ARF3: variants seen among roughly 807,000 people sequenced by gnomAD.
ARF3 encodes the protein ADP-ribosylation factor 3.
A neutral mutation model predicts 19.3 loss-of-function variants in ARF3; 5 were observed. That is an observed-to-expected ratio of 0.26 (90% confidence interval 0.14 to 0.54). The LOEUF (loss-of-function observed/expected upper bound fraction) is 0.54, where lower values mean the gene tolerates loss of function less well. Ranked by LOEUF, ARF3 falls within the 20% of genes least tolerant of loss-of-function variation. ARF3 has a pLI of 0.95. For missense variants in ARF3, 77 were observed against 234.2 expected (o/e 0.33, Z 4.38); for synonymous variants, 71 against 89.2 (o/e 0.80, Z 1.15).
At chr12:48,946,576 C>T (rs1430293903) in intron 1 of ARF3, among the ~76,000 whole-genome samples, 1 of 152,192 alleles carries the variant, frequency 6.6e-6, no homozygotes, top group Non-Finnish European at 1.5e-5. Context: ...ACTTTATTAT[C>T]ACAGGTAAAA....
chr12:48,948,463 C>A (rs1940400421), intron 1 of ARF3, among the ~76,000 whole-genome samples: 1 of 151,946 alleles, frequency 6.6e-6, no homozygotes, highest in Non-Finnish European at 1.5e-5. Flanking sequence ...ACTTTGTTGA[C>A]CAGGTTGGTC....
intron 1 of ARF3, among the ~76,000 whole-genome samples, chr12:48,954,626 T>C (rs921702693): frequency 3.9e-5 from 6 of 152,222 alleles, no homozygotes; most frequent in African/African-American, 9.7e-5. Context: ...AACATGCAAC[T>C]GGTAATTAGC....
intron 1 of ARF3, among the ~76,000 whole-genome samples, chr12:48,951,351 AG>A (rs1426880198): frequency 7.0e-6 from 1 of 143,366 alleles, no homozygotes; most frequent in East Asian, 2.2e-4. Context: ...ACCTGAGGTC[AG>A]GGGTTTGAGA....
Position 48,946,894 on chromosome 12 carries a change from T to C in ARF3, c.-93-5706A>G, listed in dbSNP as rs188846626. On this transcript the variant is annotated intron_variant, in intron 1 of 4. Coordinates refer to ENST00000256682, the MANE Select transcript of ARF3 (RefSeq NM_001659.3). ...TCCAGTGAATGATCCAAGAATGTGC[T>C]ATGAGACACCTCTGAGGGGACTCCT... is the stretch of plus-strand genomic sequence containing the variant. Among the ~76,000 whole-genome samples the C allele has an allele frequency of 2.7e-3, 417 of 152,312 alleles. 5 individuals carry two copies. Among genetic ancestry groups the C allele is most frequent in the African/African-American group, 8.6e-3 (358 of 41,572 alleles).
chr12:48,941,102 A>C lies in ARF3; in HGVS notation c.-7T>G. 3 of 1,608,880 alleles carry C rather than the reference A, an allele frequency of 1.9e-6. No individual in the cohort carries two copies. Among genetic ancestry groups the C allele is most frequent in the Non-Finnish European group, 2.5e-6 (3 of 1,177,264 alleles). ...TTCCAAAGATATTGCCCATGATCACAGCAGCTGCTTTCTGGGGACAGTGGG... is the reference window on the plus strand; with the variant it reads ...TTCCAAAGATATTGCCCATGATCACCGCAGCTGCTTTCTGGGGACAGTGGG... On this transcript the variant is annotated 5_prime_UTR_variant, in exon 2 of 5. Coordinates refer to ENST00000256682, the MANE Select transcript of ARF3 (RefSeq NM_001659.3).
rs1335084430 is a variant in ARF3 at position 48,939,897 on chromosome 12, C to T, written c.259+100G>A. 1.6e-5 allele frequency: 25 copies of T among 1,586,610 alleles called. No homozygotes were observed. The highest frequency in any genetic ancestry group is 2.2e-5 in the Non-Finnish European group (25 of 1,156,638). On this transcript the variant is annotated intron_variant, in intron 3 of 4. Transcript: ENST00000256682. The surrounding 1 kb of genome is among the most constrained non-coding windows in gnomAD (Gnocchi z 4.8). The stretch of plus-strand genomic sequence containing the variant: ...TGCTCCCTTTCCTCCCTTTCTTCTG[C>T]CCCCAGGAGCTGCAGCAGGGTAACA...
intron 1 of ARF3, among the ~76,000 whole-genome samples, chr12:48,943,042 G>T: frequency 6.6e-6 from 1 of 152,214 alleles, no homozygotes; most frequent in African/African-American, 2.4e-5. Context: ...GGAAGGTGGA[G>T]GTTGCAGTGA....
chr12:48,953,408 T>A (rs1940501977), intron 1 of ARF3: 1 of 152,150 alleles, frequency 6.6e-6, no homozygotes, highest in Admixed American at 6.5e-5. Context: ...ATTTAAGGTT[T>A]GACTATTTTT....
rs996918885 is a variant in ARF3, at chr12:48,951,879, C to CA, written c.-94+5430dup. 2.9e-3 allele frequency among the ~76,000 whole-genome samples: 401 copies of CA among 136,624 alleles called. 4 individuals carry two copies. Among genetic ancestry groups the CA allele is most frequent in the Admixed American group, 3.9e-3 (53 of 13,528 alleles). 89.6% of individuals were successfully genotyped at this position (136,624 alleles called of 152,430 possible). A position where few individuals can be genotyped will look rare whatever the true frequency, so the allele number is the denominator to read the frequency against. The stretch of plus-strand genomic sequence containing the variant: ...GGGCAACAAGAGCGAAACTCCGTCT[C>CA]AAAAAAAAAAACTAATTAAAATAAA... On this transcript the variant is annotated intron_variant, in intron 1 of 4. Transcript: ENST00000256682.
rs201946318 is a variant in ARF3 at position 48,947,305 on chromosome 12, C to CT, written c.-93-6118dup. On this transcript the variant is annotated intron_variant, in intron 1 of 4. Transcript: ENST00000256682. Reference sequence around the variant, plus strand: ...TACCAGCTTTCATCCATTCATCAAACTTTTTTTTTTTTTTTTTTTTTGAGA... The same window carrying CT: ...TACCAGCTTTCATCCATTCATCAAACTTTTTTTTTTTTTTTTTTTTTTGAGA... Among the ~76,000 whole-genome samples the CT allele has an allele frequency of 7.6e-3, 1,006 of 132,550 alleles. 9 individuals carry two copies. The highest frequency in any genetic ancestry group is 0.026 in the African/African-American group (945 of 36,472). The allele number at this position is 132,550 out of a possible 152,430, so 87.0% of individuals were successfully genotyped here.
rs190117674 is a variant in ARF3 at position 48,948,404 on chromosome 12, G to A, written c.-93-7216C>T. On this transcript the variant is annotated intron_variant, in intron 1 of 4. Coordinates refer to ENST00000256682, the MANE Select transcript of ARF3 (RefSeq NM_001659.3). Reference sequence around the variant, plus strand: ...AAAAGACCTACGGGCCCAAATCATCGTGACGCAGCTAACTTTTTTATTTTT... The same window carrying A: ...AAAAGACCTACGGGCCCAAATCATCATGACGCAGCTAACTTTTTTATTTTT... 1.0e-3 allele frequency among the ~76,000 whole-genome samples: 159 copies of A among 151,898 alleles called. 2 individuals are homozygous for A. The highest frequency in any genetic ancestry group is 3.5e-3 in the African/African-American group (147 of 41,422).
intron 1 of ARF3, among the ~76,000 whole-genome samples, chr12:48,942,264 A>C (rs569675036): frequency 2.3e-4 from 34 of 149,748 alleles, no homozygotes; most frequent in Non-Finnish European, 3.0e-5. Context: ...TTTTTTTTAA[A>C]GAGGCGAGGT....
chr12:48,952,840 C>A (rs1467106139), intron 1 of ARF3, among the ~76,000 whole-genome samples: 1 of 152,220 alleles, frequency 6.6e-6, no homozygotes, highest in African/African-American at 2.4e-5. Context: ...GTTTTGCTTT[C>A]CAGAGCTGCA....
rs1565705913 is a variant in ARF3, at chr12:48,938,501, G to A, written c.*446C>T. On this transcript the variant is annotated 3_prime_UTR_variant, in exon 5 of 5. Coordinates refer to ENST00000256682, the MANE Select transcript of ARF3 (RefSeq NM_001659.3). ...AGGCGCACACATGCACGCAAACACA[G>A]AGAGGCCCGTGCAATTTCCATGTAA... 2.2e-6 allele frequency: 1 copy of A among 447,890 alleles called. No individual in the cohort carries two copies. The highest frequency in any genetic ancestry group is 1.6e-5 in the South Asian group (1 of 63,848). The allele number at this position is 447,890 out of a possible 1,614,324, so 27.7% of individuals were successfully genotyped here. A position where few individuals can be genotyped will look rare whatever the true frequency, so the allele number is the denominator to read the frequency against.
chr12:48,945,700 G>T (rs1056159256), intron 1 of ARF3, among the ~76,000 whole-genome samples: 1 of 152,204 alleles, frequency 6.6e-6, no homozygotes, highest in African/African-American at 2.4e-5. Context: ...TCCAGCCTGT[G>T]TAACACTGAG....
rs1395590574 is a variant in ARF3, at chr12:48,938,567, G to T, written c.*380C>A. The T allele has an allele frequency of 1.1e-5, 5 of 460,338 alleles. No individual in the cohort carries two copies. Among genetic ancestry groups the T allele is most frequent in the South Asian group, 7.8e-5 (5 of 64,302 alleles). 28.5% of individuals were successfully genotyped at this position (460,338 alleles called of 1,614,324 possible). A position where few individuals can be genotyped will look rare whatever the true frequency, so the allele number is the denominator to read the frequency against. ...GCAAAGGAAAGGCAAACAGGGAGTAGAAGGGCTTGTGGGGACAGGGAAAGG... is the reference window on the plus strand; with the variant it reads ...GCAAAGGAAAGGCAAACAGGGAGTATAAGGGCTTGTGGGGACAGGGAAAGG... On this transcript the variant is annotated 3_prime_UTR_variant, in exon 5 of 5. Transcript: ENST00000256682.
At chr12:48,942,506 C>T (rs1940277901) in intron 1 of ARF3, among the ~76,000 whole-genome samples, 1 of 152,104 alleles carries the variant, frequency 6.6e-6, no homozygotes. Flanking sequence ...AGAGGCCTCC[C>T]ACAACCACAT....
At chr12:48,951,638 G>A (rs1405571906) in intron 1 of ARF3, among the ~76,000 whole-genome samples, 1 of 152,048 alleles carries the variant, frequency 6.6e-6, no homozygotes, top group Non-Finnish European at 1.5e-5. Context: ...CCAGCACATT[G>A]GAAGGCCAAG....
At chr12:48,941,912 C>A (rs1940265133) in intron 1 of ARF3, among the ~76,000 whole-genome samples, 1 of 152,204 alleles carries the variant, frequency 6.6e-6, no homozygotes, top group Admixed American at 6.5e-5. Context: ...GCATCCTTGG[C>A]TTACTGTGGC....
Sources: gnomAD v4.1 joint callset for allele counts (sites outside exome capture counted in the v4.1 genomes callset) on GRCh38, gnomAD v4.1.1 for gene constraint, Gnocchi (gnomAD v3.1) non-coding constraint, MANE v1.5 for transcripts, NCBI Gene and HGNC (gene_info 2026-07-23, HGNC 2026-07-21) for gene names.